The following SREBF1 variants were observed in gnomAD, a reference collection of about 807,000 sequenced individuals.
SREBF1 encodes the protein sterol regulatory element binding transcription factor 1.
Under a neutral mutation model 100.1 loss-of-function variants are expected in SREBF1, and 45 were observed. That is an observed-to-expected ratio of 0.45 (90% confidence interval 0.35 to 0.58). The LOEUF is 0.58. Ranked by LOEUF, SREBF1 falls within the 20% of genes least tolerant of loss-of-function variation. SREBF1 has a pLI of 0.00. For missense variants in SREBF1, 1,324 were observed against 1,539.4 expected (o/e 0.86, Z 2.34); for synonymous variants, 657 against 681.8 (o/e 0.96, Z 0.57).
chr17:17,819,932 A>G (rs1420933624), intron 2 of SREBF1, 158 bp downstream of exon 2: 1 of 1,137,358 alleles, frequency 8.8e-7, no homozygotes, highest in African/African-American at 1.6e-5. Flanking sequence ...GGCAACAAGC[A>G]CACCAGGACT....
Position 17,812,805 on chromosome 17 carries a change from C to T in SREBF1, c.3261G>A (p.Ala1087=), listed in dbSNP as rs764393395. ...AGCAGGAGGCCAGCAGCAAGGCCTC[C>T]GCGTGCTCCCGCCGCGTGGGCCGCG... ...LEPRPTRREH[A]EALLLASCYL... Residue 1087 remains alanine, a synonymous_variant, in exon 19 of 19, where the codon GCG becomes GCA. Transcript: ENST00000261646. The T allele has an allele frequency of 6.6e-6, 10 of 1,506,648 alleles. No individual in the cohort carries two copies. The highest frequency in any genetic ancestry group is 2.8e-5 in the African/African-American group (2 of 71,650). The allele number at this position is 1,506,648 out of a possible 1,614,324, so 93.3% of individuals were successfully genotyped here.
At chr17:17,813,183 G>A (rs1192673520) in intron 18 of SREBF1, 185 bp downstream of exon 18, 18 of 664,946 alleles carry the variant, frequency 2.7e-5, no homozygotes, top group Non-Finnish European at 4.1e-5. Context: ...GGCTCACTGC[G>A]GCCTCCAACT....
intron 2 of SREBF1, 36 bp from the exon 3 acceptor site, chr17:17,819,761 C>G: frequency 6.5e-7 from 1 of 1,549,894 alleles, no homozygotes; most frequent in Non-Finnish European, 8.7e-7. Context: ...AGACACAGAC[C>G]TCCCTCTCCC....
intron 5 of SREBF1, 53 bp from the exon 6 acceptor site, chr17:17,818,427 G>A: frequency 7.1e-7 from 1 of 1,408,944 alleles, no homozygotes; most frequent in East Asian, 2.3e-5. Flanking sequence ...CAGGTCGGGG[G>A]TTGTGGGGTT....
At chr17:17,818,156 G>A (rs1211355693) in intron 6 of SREBF1, 104 bp downstream of exon 6, 1 of 844,114 alleles carries the variant, frequency 1.2e-6, no homozygotes, top group Non-Finnish European at 1.8e-6. Context: ...GCAGAGGGTG[G>A]GCCAGAACCA....
In SREBF1 at chr17:17,817,707, C is replaced by T; in HGVS notation, c.1393G>A (p.Glu465Lys). 1 of 1,613,218 alleles carries T rather than the reference C, an allele frequency of 6.2e-7. No homozygotes were observed. Among genetic ancestry groups the T allele is most frequent in the Non-Finnish European group, 8.5e-7 (1 of 1,179,948 alleles). The change falls in exon 7 of 19, where the codon GAG becomes AAG. Residue 465 changes from glutamate (E) to lysine (K), a missense_variant. By Grantham distance (56) the Glu-to-Lys change is moderately conservative. Transcript: ENST00000261646. The surrounding 1 kb of genome is among the most constrained non-coding windows in gnomAD (Gnocchi z 6.6). ...TGGCAGGGCCCAACCTTGCTGTCCT[C>T]AAAGACTGGGCTGTCAGGCTCCGAG... is the stretch of plus-strand genomic sequence containing the variant. ...SDSEPDSPVF[E>K]DSKAKPEQRP...
intron 1 of SREBF1, among the ~76,000 whole-genome samples, chr17:17,823,306 CA>C (rs2034231387): frequency 1.3e-5 from 2 of 152,196 alleles, no homozygotes; most frequent in South Asian, 4.1e-4. Flanking sequence ...GGTCTCTAAG[CA>C]AACCCTTCCC....
chr17:17,819,131 G>A lies in SREBF1; in HGVS notation c.950C>T (p.Ser317Phe). The A allele has an allele frequency of 6.2e-7, 1 of 1,614,142 alleles. No homozygotes were observed. The highest frequency in any genetic ancestry group is 8.5e-7 in the Non-Finnish European group (1 of 1,180,052). ...RLAAGSKAPASAQSRGEKRTA... is the reference protein window; with the variant it reads ...RLAAGSKAPAFAQSRGEKRTA... ...GCGCTTCTCTCCACGGCTCTGGGCA[G>A]AGGCCGGGGCCTTGCTGCCAGCTGC... The change falls in exon 5 of 19, where the codon TCT (serine) becomes TTT (phenylalanine). Residue 317 changes from serine to phenylalanine, a missense_variant. Physicochemically the swap from Ser to Phe is radical, Grantham distance 155 (BLOSUM62 -2). Coordinates refer to ENST00000261646, the MANE Select transcript of SREBF1 (RefSeq NM_004176.5).
intron 1 of SREBF1, among the ~76,000 whole-genome samples, chr17:17,827,963 C>G (rs1567987753): frequency 1.3e-5 from 2 of 152,190 alleles, no homozygotes; most frequent in Non-Finnish European, 2.9e-5. Flanking sequence ...TAACCACCAC[C>G]CCCCCAGACC....
At chr17:17,831,906 C>T (rs772767891) in intron 1 of SREBF1, among the ~76,000 whole-genome samples, 21 of 152,142 alleles carry the variant, frequency 1.4e-4, no homozygotes, top group Non-Finnish European at 2.4e-4. Flanking sequence ...GCAGCAGGAC[C>T]GGATGGGGCC....
Position 17,811,855 on chromosome 17 carries a change from C to A in SREBF1, c.*767G>T, listed in dbSNP as rs572773624. ...TGGAGGCCCTAAGGGTTGACACAGC[C>A]CAACCATGTGCCCTGGGAGCAGGGG... is the stretch of plus-strand genomic sequence containing the variant. On this transcript the variant is annotated 3_prime_UTR_variant, in exon 19 of 19. Transcript: ENST00000261646. The A allele has an allele frequency of 2.4e-4, 106 of 440,976 alleles. No homozygotes were observed. Among genetic ancestry groups the A allele is most frequent in the Non-Finnish European group, 3.7e-4 (81 of 219,602 alleles). 27.3% of individuals were successfully genotyped at this position (440,976 alleles called of 1,614,324 possible).
chr17:17,836,291 GC>G (rs1476260449), intron 1 of SREBF1, among the ~76,000 whole-genome samples: 6 of 152,262 alleles, frequency 3.9e-5, no homozygotes, highest in African/African-American at 1.2e-4. Flanking sequence ...GAGCTCCGAC[GC>G]CGAGCTGAAC....
intron 1 of SREBF1, among the ~76,000 whole-genome samples, chr17:17,822,165 A>G (rs1481499004): frequency 6.6e-6 from 1 of 152,244 alleles, no homozygotes; most frequent in African/African-American, 2.4e-5. Context: ...GCAGCCCAAG[A>G]GCATGCAGTG....
At chr17:17,814,076 T>C in intron 16 of SREBF1, 169 bp downstream of exon 16, 2 of 782,314 alleles carry the variant, frequency 2.6e-6, no homozygotes, top group Non-Finnish European at 4.1e-6. Flanking sequence ...GCAACCCCTC[T>C]CCTCTGGACA....
intron 18 of SREBF1, 197 bp from the exon 19 acceptor site, chr17:17,813,048 G>C: frequency 1.6e-6 from 1 of 607,624 alleles, no homozygotes; most frequent in Non-Finnish European, 2.9e-6. Context: ...CGCACGTGCA[G>C]TCATGTATCC....
chr17:17,823,659 C>CCCCGCCCCGCCCCGCG (rs1555572001), intron 1 of SREBF1: 1 of 1,220,386 alleles, frequency 8.2e-7, no homozygotes, highest in African/African-American at 1.6e-5. Flanking sequence ...GGCGCGCCCG[C>CCCCGCCCCGCCCCGCG]CCCGCCCCGC....
intron 12 of SREBF1, 62 bp from the exon 13 acceptor site, chr17:17,815,391 G>A (rs2033449944): frequency 1.4e-6 from 2 of 1,439,426 alleles, no homozygotes; most frequent in African/African-American, 2.8e-5. Context: ...TCCAAGCTAA[G>A]GGCTTTTTCC....
At chr17:17,815,823 G>T in intron 12 of SREBF1, 37 bp downstream of exon 12, 1 of 1,593,952 alleles carries the variant, frequency 6.3e-7, no homozygotes, top group Non-Finnish European at 8.6e-7. Context: ...TGAGGATGAG[G>T]GACAGGAGAG....
rs143191237 is a variant in SREBF1 at position 17,836,221 on chromosome 17, C to A, written c.91+506G>T. On this transcript the variant is annotated intron_variant, in intron 1 of 18. Coordinates refer to ENST00000261646, the MANE Select transcript of SREBF1 (RefSeq NM_004176.5). ...TGCGGAGGCTGTGCCCGTCGCAGAC[C>A]GGGAGAACCCGACACGAGGCGGGGG... Among the ~76,000 whole-genome samples, 619 of 152,328 alleles carry A rather than the reference C, an allele frequency of 4.1e-3. 15 individuals are homozygous for A. The highest frequency in any genetic ancestry group is 1.9e-3 in the East Asian group (10 of 5,188).
Sources: gnomAD v4.1 joint callset for allele counts (sites outside exome capture counted in the v4.1 genomes callset) on GRCh38, gnomAD v4.1.1 for gene constraint, Gnocchi (gnomAD v3.1) non-coding constraint, MANE v1.5 for transcripts, NCBI Gene and HGNC (gene_info 2026-07-23, HGNC 2026-07-21) for gene names.